The following NELL2 variants were observed in gnomAD, a reference collection of about 807,000 sequenced individuals.
NELL2 encodes the protein neural EGFL like 2.
Under a neutral mutation model 109.6 loss-of-function variants are expected in NELL2, and 41 were observed. The ratio of observed to expected loss-of-function variants is 0.37; its 90% CI spans 0.29 to 0.49. NELL2 has a LOEUF of 0.49. Among genes scored for constraint, NELL2 ranks in the 20% least tolerant of loss-of-function variants. The pLI, the probability that NELL2 is intolerant of heterozygous loss-of-function variation, is 0.98. For missense variants in NELL2, 900 were observed against 1,008.3 expected (o/e 0.89, Z 1.45); for synonymous variants, 355 against 344.7 (o/e 1.03, Z -0.33).
intron 3 of NELL2, among the ~76,000 whole-genome samples, chr12:44,803,693 T>C (rs1391382102): frequency 5.9e-5 from 9 of 151,980 alleles, no homozygotes; most frequent in Admixed American, 5.3e-4. Context: ...GATATCCTTA[T>C]TATATAAAGC....
chr12:44,589,001 A>G (rs1944646728), intron 15 of NELL2, among the ~76,000 whole-genome samples: 1 of 152,238 alleles, frequency 6.6e-6, no homozygotes, highest in Non-Finnish European at 1.5e-5. Context: ...TTTTGCATGA[A>G]TTAACTCATT....
chr12:44,860,717 A>C (rs1944815348), intron 2 of NELL2, among the ~76,000 whole-genome samples: 1 of 151,976 alleles, frequency 6.6e-6, no homozygotes, highest in South Asian at 2.1e-4. Flanking sequence ...CTTATTTTTA[A>C]GTCAGTCGAT....
At chr12:44,916,714 C>T (rs976755860), upstream of NELL2, among the ~76,000 whole-genome samples, 4 of 152,070 alleles carry the variant, frequency 2.6e-5, no homozygotes, top group African/African-American at 9.7e-5. Context: ...AATTTGAGCC[C>T]CTTCAAGGCA....
chr12:44,551,063 A>T (rs2136165806), intron 15 of NELL2, among the ~76,000 whole-genome samples: 1 of 152,268 alleles, frequency 6.6e-6, no homozygotes, highest in South Asian at 2.1e-4. Context: ...GAGGCAAAAG[A>T]AAACGTTGGG....
chr12:44,689,753 A>G, intron 12 of NELL2, among the ~76,000 whole-genome samples: 1 of 152,188 alleles, frequency 6.6e-6, no homozygotes, highest in Non-Finnish European at 1.5e-5. Context: ...ACAGCTAGGA[A>G]TGTGGGCTGG....
chr12:44,843,561 G>A (rs1286025222), intron 2 of NELL2, among the ~76,000 whole-genome samples: 2 of 152,136 alleles, frequency 1.3e-5, no homozygotes, highest in Non-Finnish European at 2.9e-5. Flanking sequence ...AAAAATGAAA[G>A]CATACGTTCA....
At chr12:44,791,092 T>TA in intron 3 of NELL2, among the ~76,000 whole-genome samples, 1 of 14,454 alleles carries the variant, frequency 6.9e-5, no homozygotes, top group Admixed American at 1.5e-3. Flanking sequence ...CATATATATA[T>TA]ATATGTATAT....
intron 1 of NELL2, among the ~76,000 whole-genome samples, chr12:44,913,593 T>C (rs1199056314): frequency 1.3e-5 from 2 of 152,152 alleles, no homozygotes; most frequent in African/African-American, 4.8e-5. Context: ...GTTTCAAGTT[T>C]GAATAGTTGT....
chr12:44,875,532 T>C (rs750065539), intron 1 of NELL2, 179 bp from the exon 2 acceptor site: 13 of 1,613,806 alleles, frequency 8.1e-6, no homozygotes, highest in South Asian at 2.2e-5. Context: ...AAGCTTTAAA[T>C]AGCGGAGCAC....
At chr12:44,671,183 T>G (rs1456714305) in intron 12 of NELL2, among the ~76,000 whole-genome samples, 1 of 152,174 alleles carries the variant, frequency 6.6e-6, no homozygotes, top group East Asian at 1.9e-4. Flanking sequence ...AACATGTTCC[T>G]GAGCAACCAC....
intron 3 of NELL2, among the ~76,000 whole-genome samples, chr12:44,796,288 G>A (rs1209587342): frequency 6.6e-6 from 1 of 152,028 alleles, no homozygotes; most frequent in African/African-American, 2.4e-5. Flanking sequence ...ACTTAACTAA[G>A]TATGAATTTC....
chr12:44,584,506 C>T (rs1944426740), intron 15 of NELL2, among the ~76,000 whole-genome samples: 1 of 152,218 alleles, frequency 6.6e-6, no homozygotes. Flanking sequence ...GGTTAAGTGG[C>T]ATTCCTATAT....
At chr12:44,527,489 C>A (rs912352856) in intron 16 of NELL2, among the ~76,000 whole-genome samples, 1 of 152,198 alleles carries the variant, frequency 6.6e-6, no homozygotes, top group African/African-American at 2.4e-5. Flanking sequence ...AGCTTATAAA[C>A]ATGTATGTTG....
At chr12:44,586,806 TCTACAAGGGCAACG>T (rs1565972998) in intron 15 of NELL2, among the ~76,000 whole-genome samples, 1 of 152,206 alleles carries the variant, frequency 6.6e-6, no homozygotes, top group Non-Finnish European at 1.5e-5. Flanking sequence ...TGGAATAGAC[TCTACAAGGGCAACG>T]ATGTTGCCCA....
intron 2 of NELL2, among the ~76,000 whole-genome samples, chr12:44,858,302 C>T (rs1944740875): frequency 6.6e-6 from 1 of 152,182 alleles, no homozygotes; most frequent in African/African-American, 2.4e-5. Context: ...GAATTACCTC[C>T]ATCATTCCTT....
intron 2 of NELL2, among the ~76,000 whole-genome samples, chr12:44,856,235 A>G (rs1944680101): frequency 6.6e-6 from 1 of 152,248 alleles, no homozygotes; most frequent in African/African-American, 2.4e-5. Context: ...AAACATTGGT[A>G]CAACAAGGCA....
chr12:44,584,795 G>T (rs778267186), intron 15 of NELL2, among the ~76,000 whole-genome samples: 1 of 152,156 alleles, frequency 6.6e-6, no homozygotes, highest in Non-Finnish European at 1.5e-5. Context: ...TGACAGACTG[G>T]ATCACGTTAA....
intron 9 of NELL2, among the ~76,000 whole-genome samples, chr12:44,730,230 A>T (rs1184488485): frequency 6.6e-6 from 1 of 152,166 alleles, no homozygotes; most frequent in Non-Finnish European, 1.5e-5. Context: ...TGAATAGAAG[A>T]TCCAAACAAA....
At chr12:44,786,048 A>T (rs1379179173) in intron 3 of NELL2, among the ~76,000 whole-genome samples, 1 of 152,196 alleles carries the variant, frequency 6.6e-6, no homozygotes, top group African/African-American at 2.4e-5. Context: ...TAAACTAAAG[A>T]CCTTCTGCAC....
Sources: gnomAD v4.1 joint callset for allele counts (sites outside exome capture counted in the v4.1 genomes callset) on GRCh38, gnomAD v4.1.1 for gene constraint, MANE v1.5 for transcripts, NCBI Gene and HGNC (gene_info 2026-07-23, HGNC 2026-07-21) for gene names.